Variants in GINM1 observed in about 807,000 individuals in gnomAD.
GINM1 encodes glycosylated integral membrane protein 1, also known as glycoprotein integral membrane protein 1.
GINM1 carries 29 observed loss-of-function variants against 37.8 expected under a neutral mutation model. The observed-to-expected ratio is 0.77, with a 90% CI of 0.57 to 1.05. The LOEUF is 1.05. GINM1 is among the 50% of genes least tolerant of loss of function. The pLI is 0.00. For synonymous variants in GINM1, 143 were observed against 146.2 expected (o/e 0.98, Z 0.16); for missense variants, 377 against 397.9 (o/e 0.95, Z 0.45).
intron 7 of GINM1, among the ~76,000 whole-genome samples, chr6:149,585,883 C>T (rs550786465): frequency 6.6e-5 from 10 of 152,156 alleles, no homozygotes; most frequent in Non-Finnish European, 1.5e-4. Context: ...TGAGCCACCG[C>T]GCCCAGCAAT....
intron 3 of GINM1, among the ~76,000 whole-genome samples, chr6:149,573,664 C>T (rs191184295): frequency 5.9e-5 from 9 of 152,006 alleles, no homozygotes; most frequent in South Asian, 2.1e-4. Flanking sequence ...GCCCTGAGTT[C>T]GAGACCAGCC....
In GINM1 at chr6:149,588,245, T is replaced by C. The variant is rs1027265744; in HGVS notation, c.882-2482T>C. 3.9e-5 allele frequency among the ~76,000 whole-genome samples: 6 copies of C among 152,214 alleles called. No homozygotes were observed. In the East Asian group the frequency reaches 1.2e-3, roughly 29 times the overall value. ...TACTAAAAATATAATTCATCTTAAT[T>C]TGCATTTTCATCTTACTAGCATCTT... On this transcript the variant is annotated intron_variant, in intron 7 of 7. Transcript: ENST00000367419.
Position 149,567,805 on chromosome 6 carries a change from C to T in GINM1, c.120+1271C>T, listed in dbSNP as rs1300854978. Among the ~76,000 whole-genome samples the T allele has an allele frequency of 2.0e-5, 3 of 152,230 alleles. No homozygotes were observed. The East Asian group carries it at 5.8e-4, about 29-fold the overall frequency. On this transcript the variant is annotated intron_variant, in intron 1 of 7. Coordinates refer to ENST00000367419, the MANE Select transcript of GINM1 (RefSeq NM_138785.5). ...TATATCTGAAATTATATGTGGACCA[C>T]AGTTGCATCTGGTTAAACAATAGGA...
chr6:149,579,982 C>T lies in GINM1; in HGVS notation c.578C>T (p.Ser193Phe). The T allele has an allele frequency of 6.4e-7, 1 of 1,573,574 alleles. No homozygotes were observed. Among genetic ancestry groups the T allele is most frequent in the Non-Finnish European group, 8.6e-7 (1 of 1,161,336 alleles). The part of the protein sequence containing the change: ...SDILFTLPNL[S>F]KKESVSSLQT... ...ATTTTATTTACCCTTCCTAACCTCT[C>T]CAAAAAAGGTAACTTAAAAGACCAT... The change falls in exon 5 of 8, where the codon TCC (serine) becomes TTC (phenylalanine). Residue 193 changes from serine to phenylalanine, a missense_variant. Coordinates refer to ENST00000367419, the MANE Select transcript of GINM1 (RefSeq NM_138785.5).
chr6:149,579,182 A>G (rs1777960748), intron 4 of GINM1, among the ~76,000 whole-genome samples: 1 of 152,254 alleles, frequency 6.6e-6, no homozygotes, highest in African/African-American at 2.4e-5. Context: ...TGTTTGTATC[A>G]CTTTAAAATG....
chr6:149,567,343 A>AG (rs1292956729), intron 1 of GINM1, among the ~76,000 whole-genome samples: 1 of 152,192 alleles, frequency 6.6e-6, no homozygotes, highest in Non-Finnish European at 1.5e-5. Context: ...TTAAAGAGCA[A>AG]GTGTTCTGAG....
chr6:149,570,163 TATATA>T (rs1263874675), intron 1 of GINM1, among the ~76,000 whole-genome samples: 1 of 74,496 alleles, frequency 1.3e-5, no homozygotes, highest in East Asian at 4.9e-4. Context: ...TATATATATA[TATATA>T]TATATATATA....
At chr6:149,573,166 TGTG>T (rs1464703961) in intron 3 of GINM1, among the ~76,000 whole-genome samples, 5 of 151,700 alleles carry the variant, frequency 3.3e-5, no homozygotes, top group African/African-American at 1.2e-4. Context: ...CTACTGAAAA[TGTG>T]GTGTGTGCGC....
intron 5 of GINM1, 142 bp from the exon 6 acceptor site, chr6:149,580,451 A>C: frequency 1.5e-6 from 1 of 667,034 alleles, no homozygotes; most frequent in Non-Finnish European, 2.5e-6. Context: ...CATTTAAATC[A>C]GTGAACATTC....
intron 7 of GINM1, among the ~76,000 whole-genome samples, chr6:149,589,389 C>T (rs570592526): frequency 1.3e-5 from 2 of 152,242 alleles, no homozygotes; most frequent in Admixed American, 1.3e-4. Context: ...TCTCCTGCCT[C>T]AGCCTCCCGA....
intron 7 of GINM1, among the ~76,000 whole-genome samples, chr6:149,583,500 C>T (rs1335965541): frequency 6.6e-6 from 1 of 151,250 alleles, no homozygotes; most frequent in East Asian, 1.9e-4. Flanking sequence ...CGTGTGGCAC[C>T]CATCTGTAGT....
intron 7 of GINM1, among the ~76,000 whole-genome samples, chr6:149,587,845 C>G (rs1379441179): frequency 2.6e-5 from 4 of 152,156 alleles, no homozygotes; most frequent in Non-Finnish European, 5.9e-5. Flanking sequence ...ATGGTTGATA[C>G]CCCTGGCAAC....
intron 1 of GINM1, among the ~76,000 whole-genome samples, chr6:149,568,075 CT>C (rs1777749888): frequency 6.6e-6 from 1 of 152,204 alleles, no homozygotes; most frequent in African/African-American, 2.4e-5. Context: ...CTTCTTGGGC[CT>C]TCATTTCACT....
At chr6:149,589,111 T>A (rs540411995) in intron 7 of GINM1, among the ~76,000 whole-genome samples, 18 of 150,872 alleles carry the variant, frequency 1.2e-4, no homozygotes, top group Non-Finnish European at 1.9e-4. Context: ...GCCATTTTTT[T>A]AAAAAAAATT....
At chr6:149,574,442 C>T (rs188155166) in intron 3 of GINM1, among the ~76,000 whole-genome samples, 1 of 152,252 alleles carries the variant, frequency 6.6e-6, no homozygotes, top group East Asian at 1.9e-4. Context: ...TTAAATCCTC[C>T]TTCTTGTTTC....
At chr6:149,585,108 CT>C (rs1778049758) in intron 7 of GINM1, among the ~76,000 whole-genome samples, 1 of 152,162 alleles carries the variant, frequency 6.6e-6, no homozygotes, top group Admixed American at 6.5e-5. Flanking sequence ...AAGTTCCAAA[CT>C]TTTTTGAACT....
At chr6:149,578,546 AAG>A (rs1280918701) in intron 3 of GINM1, among the ~76,000 whole-genome samples, 1 of 151,524 alleles carries the variant, frequency 6.6e-6, no homozygotes, top group Non-Finnish European at 1.5e-5. Context: ...AAAAAAAAAA[AAG>A]AATAGGAAAG....
chr6:149,584,027 G>A (rs1778036199), intron 7 of GINM1, among the ~76,000 whole-genome samples: 1 of 151,978 alleles, frequency 6.6e-6, no homozygotes, highest in African/African-American at 2.4e-5. Flanking sequence ...CCAGGCTGGA[G>A]TGCAGTGGCA....
chr6:149,567,867 G>A (rs1777746549), intron 1 of GINM1, among the ~76,000 whole-genome samples: 2 of 152,272 alleles, frequency 1.3e-5, no homozygotes, highest in African/African-American at 4.8e-5. Context: ...AAATAAAAGT[G>A]AAATAGTTCT....
Sources: gnomAD v4.1 joint callset for allele counts (sites outside exome capture counted in the v4.1 genomes callset) on GRCh38, gnomAD v4.1.1 for gene constraint, MANE v1.5 for transcripts, NCBI Gene and HGNC (gene_info 2026-07-23, HGNC 2026-07-21) for gene names.